Variants in SYN2 observed in about 807,000 individuals in gnomAD.
SYN2 encodes the protein synapsin-2.
In SYN2, 19 loss-of-function variants were observed where a neutral mutation model predicts 50.9. The ratio of observed to expected loss-of-function variants is 0.37; its 90% CI spans 0.26 to 0.55. The LOEUF is 0.55. Ranked by LOEUF, SYN2 falls within the 20% of genes least tolerant of loss-of-function variation. The pLI, the probability that SYN2 is intolerant of heterozygous loss-of-function variation, is 0.81. For missense variants in SYN2, 587 were observed against 576.4 expected (o/e 1.02, Z -0.19); for synonymous variants, 255 against 224.9 (o/e 1.13, Z -1.20).
rs2623875 is a variant in SYN2, at chr3:12,004,694, C to T, written c.143C>T (p.Ser48Leu). 1 of 174,052 alleles carries T rather than the reference C, an allele frequency of 5.7e-6. No homozygotes were observed. The allele number at this position is 174,052 out of a possible 1,614,324, so 10.8% of individuals were successfully genotyped here. A position where few individuals can be genotyped will look rare whatever the true frequency, so the allele number is the denominator to read the frequency against. ...PPPGPGAASA[S>L]AAPPTASPGP... ...CCCGGTCCGGGCGCCGCCTCGGCCT[C>T]GGCGGCGCCCCCGACCGCCTCGCCG... is the stretch of plus-strand genomic sequence containing the variant. The change falls in exon 1 of 13, where the codon TCG becomes TTG. Residue 48 changes from serine (S) to leucine (L), a missense_variant. Ser to Leu is a moderately radical substitution (Grantham distance 145). Coordinates refer to ENST00000621198, the MANE Select transcript of SYN2 (RefSeq NM_133625.6).
chr3:12,085,810 C>T (rs1195780015), intron 1 of SYN2, among the ~76,000 whole-genome samples: 1 of 151,952 alleles, frequency 6.6e-6, no homozygotes, highest in African/African-American at 2.4e-5. Flanking sequence ...AAAGAAAAAT[C>T]TCAAACAACC....
At chr3:12,159,502 T>G (rs1697579820) in intron 5 of SYN2, among the ~76,000 whole-genome samples, 1 of 152,052 alleles carries the variant, frequency 6.6e-6, no homozygotes, top group Admixed American at 6.6e-5. Flanking sequence ...CTCTGTTGCC[T>G]GGGGGGTGGG....
chr3:12,057,319 GTGTGTA>G (rs1393524403), intron 1 of SYN2, among the ~76,000 whole-genome samples: 10 of 150,058 alleles, frequency 6.7e-5, no homozygotes, highest in South Asian at 6.3e-4. Context: ...GTGTGTGTGT[GTGTGTA>G]TACTTTTTGA....
At chr3:12,034,215 A>G (rs577580523) in intron 1 of SYN2, among the ~76,000 whole-genome samples, 2 of 152,092 alleles carry the variant, frequency 1.3e-5, no homozygotes, top group African/African-American at 4.8e-5. Flanking sequence ...TTTTTATGTT[A>G]TTATTATAGT....
chr3:12,143,320 C>A (rs146884375), intron 3 of SYN2, among the ~76,000 whole-genome samples: 12 of 152,202 alleles, frequency 7.9e-5, no homozygotes, highest in Non-Finnish European at 4.4e-5. Flanking sequence ...GATTCATGTA[C>A]AGATTTGTTA....
At position 12,140,434 on chromosome 3, in the gene SYN2, A is replaced by G. The variant is rs534857739; in HGVS notation, c.378-217A>G. 2.7e-4 allele frequency among the ~76,000 whole-genome samples: 41 copies of G among 152,286 alleles called. No homozygotes were observed. The South Asian group carries it at 8.1e-3, about 30-fold the overall frequency. Reference sequence around the variant, plus strand: ...TATAACAAAACCTGATAATGAAGGGATGTTTTGGATTATTTTATAGATGGG... The same window carrying G: ...TATAACAAAACCTGATAATGAAGGGGTGTTTTGGATTATTTTATAGATGGG... On this transcript the variant is annotated intron_variant, in intron 1 of 12. Transcript: ENST00000621198.
intron 1 of SYN2, among the ~76,000 whole-genome samples, chr3:12,031,421 T>G (rs1694380433): frequency 2.1e-5 from 1 of 47,816 alleles, no homozygotes; most frequent in Admixed American, 3.2e-4. Context: ...CTGAGTTCAA[T>G]TCCTGGGTAT....
chr3:12,185,299 T>A, intron 11 of SYN2: 2 of 985,676 alleles, frequency 2.0e-6, no homozygotes, highest in Non-Finnish European at 2.4e-6. Flanking sequence ...GAGCTGACGG[T>A]GGTATTGCTT....
At chr3:12,169,933 G>A (rs752490840) in intron 10 of SYN2, 27 bp downstream of exon 10, 79 of 1,583,580 alleles carry the variant, frequency 5.0e-5, no homozygotes, top group Non-Finnish European at 5.9e-5. Flanking sequence ...AGACATAGCA[G>A]AGCCAAGAAC....
intron 1 of SYN2, among the ~76,000 whole-genome samples, chr3:12,086,300 A>C (rs553260635): frequency 2.0e-5 from 3 of 152,296 alleles, no homozygotes; most frequent in African/African-American, 7.2e-5. Context: ...TTAAAGAACT[A>C]ATACCAATCC....
At chr3:12,039,920 A>C (rs989394288) in intron 1 of SYN2, among the ~76,000 whole-genome samples, 1 of 152,208 alleles carries the variant, frequency 6.6e-6, no homozygotes, top group African/African-American at 2.4e-5. Context: ...TCTAGTATGA[A>C]TGAAATGCAA....
intron 10 of SYN2, among the ~76,000 whole-genome samples, chr3:12,178,301 C>G (rs1459773738): frequency 6.6e-6 from 1 of 152,204 alleles, no homozygotes; most frequent in Non-Finnish European, 1.5e-5. Flanking sequence ...GTTGGGGCAG[C>G]TGGTCTCAGG....
At chr3:12,065,278 C>T (rs745545811) in intron 1 of SYN2, among the ~76,000 whole-genome samples, 31 of 152,160 alleles carry the variant, frequency 2.0e-4, no homozygotes, top group Admixed American at 2.6e-4. Context: ...AATTAGTCAC[C>T]GTGGAAAACA....
At chr3:12,016,103 A>G (rs1172737697) in intron 1 of SYN2, among the ~76,000 whole-genome samples, 1 of 152,186 alleles carries the variant, frequency 6.6e-6, no homozygotes, top group East Asian at 1.9e-4. Flanking sequence ...GATTCCAGTG[A>G]TATAGTGTGA....
chr3:12,130,764 A>C (rs1299918217), intron 1 of SYN2, among the ~76,000 whole-genome samples: 2 of 152,240 alleles, frequency 1.3e-5, no homozygotes, highest in African/African-American at 4.8e-5. Flanking sequence ...GACAGTATGC[A>C]CTATCAGGGG....
intron 1 of SYN2, among the ~76,000 whole-genome samples, chr3:12,015,605 T>C (rs1287178479): frequency 6.6e-6 from 1 of 152,220 alleles, no homozygotes; most frequent in African/African-American, 2.4e-5. Flanking sequence ...AAGCATTAAT[T>C]ATTGTTACTG....
In SYN2 at chr3:12,168,579, G is replaced by A. The variant is rs115413564; in HGVS notation, c.1158+101G>A. 124 of 998,988 alleles carry A rather than the reference G, an allele frequency of 1.2e-4. No homozygotes were observed. In the African/African-American group the frequency reaches 1.8e-3, roughly 14 times the overall value. 61.9% of individuals were successfully genotyped at this position (998,988 alleles called of 1,614,324 possible). ...TTGGAGTCTCCTGAACCATGGAAAT[G>A]TTCCAGCAAGATCAGTGGGTAGCTA... On this transcript the variant is annotated intron_variant, in intron 9 of 12. Transcript: ENST00000621198.
intron 1 of SYN2, among the ~76,000 whole-genome samples, chr3:12,072,892 A>G (rs183747963): frequency 2.0e-5 from 3 of 152,152 alleles, no homozygotes; most frequent in Non-Finnish European, 4.4e-5. Context: ...ATTGTTCTCA[A>G]TTGTCTGCTC....
chr3:12,160,038 G>A (rs1378252712), intron 5 of SYN2, among the ~76,000 whole-genome samples: 7 of 74,176 alleles, frequency 9.4e-5, no homozygotes, highest in South Asian at 8.8e-4. Context: ...GTGAGACTCC[G>A]TCTCAAAAAA....
Sources: allele counts gnomAD v4.1 joint callset (sites outside exome capture counted in the v4.1 genomes callset), GRCh38; gene constraint gnomAD v4.1.1; transcripts MANE v1.5; gene names NCBI Gene and HGNC (gene_info 2026-07-23, HGNC 2026-07-21).